MSH4: variants seen among roughly 807,000 people sequenced by gnomAD.
The protein encoded by MSH4 is mutS homolog 4, also known as mutS protein homolog 4.
In MSH4, 106 loss-of-function variants were observed where a neutral mutation model predicts 113.7. The ratio of observed to expected loss-of-function variants is 0.93; its 90% confidence interval spans 0.80 to 1.10. MSH4 has a LOEUF of 1.10. Among genes scored for constraint, MSH4 ranks in the 50% least tolerant of loss-of-function variants. MSH4 has a pLI of 0.00. For missense variants in MSH4, 1,061 were observed against 1,093.7 expected (o/e 0.97, Z 0.42); for synonymous variants, 368 against 380.2 (o/e 0.97, Z 0.37).
At chr1:75,806,698 T>A (rs1210790531) in intron 2 of MSH4, among the ~76,000 whole-genome samples, 3 of 152,146 alleles carry the variant, frequency 2.0e-5, no homozygotes, top group African/African-American at 7.2e-5. Context: ...ACAAGCCACC[T>A]TACTCTTCTT....
chr1:75,893,409 A>G (rs1243117730), intron 17 of MSH4, among the ~76,000 whole-genome samples: 1 of 152,200 alleles, frequency 6.6e-6, no homozygotes, highest in Non-Finnish European at 1.5e-5. Context: ...TTGGGAAGGA[A>G]TGGGAGACTA....
At position 75,816,468 on chromosome 1, in the gene MSH4, A is replaced by C; in HGVS notation, c.911A>C (p.Gln304Pro). 1 of 1,611,228 alleles carries C rather than the reference A, an allele frequency of 6.2e-7. No homozygotes were observed. ...CCAAAATCACTGAAGATTTGTTTCC[A>C]GGGTAGTGAACAGACAGCCATGATA... ...YAPKSLKICFQGSEQTAMIDS... is the reference protein window; with the variant it reads ...YAPKSLKICFPGSEQTAMIDS... The change falls in exon 6 of 20, where the codon CAG becomes CCG. Residue 304 changes from glutamine (Q) to proline (P), a missense_variant. By Grantham distance (76) the Gln-to-Pro change is moderately conservative. Coordinates refer to ENST00000263187, the MANE Select transcript of MSH4 (RefSeq NM_002440.4).
chr1:75,867,957 G>A (rs1242435370), intron 9 of MSH4, among the ~76,000 whole-genome samples: 2 of 151,926 alleles, frequency 1.3e-5, no homozygotes, highest in African/African-American at 2.4e-5. Flanking sequence ...TTCTAATAAT[G>A]TTCTTTATAG....
chr1:75,887,122 A>G (rs966095079), intron 15 of MSH4, among the ~76,000 whole-genome samples: 1 of 151,902 alleles, frequency 6.6e-6, no homozygotes, highest in African/African-American at 2.4e-5. Context: ...TCTCCACCCA[A>G]ATCTCACCTT....
intron 6 of MSH4, among the ~76,000 whole-genome samples, chr1:75,820,673 T>C (rs1650389842): frequency 6.6e-6 from 1 of 152,228 alleles, no homozygotes; most frequent in Non-Finnish European, 1.5e-5. Flanking sequence ...ATATCCCCTT[T>C]ATCATTTTTT....
chr1:75,892,016 G>T (rs927551001), intron 17 of MSH4, among the ~76,000 whole-genome samples: 27 of 152,184 alleles, frequency 1.8e-4, no homozygotes, highest in Non-Finnish European at 4.4e-5. Context: ...GTCTGTGAGG[G>T]TGTTTCTGGA....
intron 19 of MSH4, among the ~76,000 whole-genome samples, chr1:75,909,842 G>A (rs1318325009): frequency 6.6e-6 from 1 of 151,454 alleles, no homozygotes; most frequent in Non-Finnish European, 1.5e-5. Context: ...ATGAGTTCTT[G>A]AACCTCCCCT....
At chr1:75,880,248 A>G in intron 13 of MSH4, 95 bp downstream of exon 13, 1 of 664,916 alleles carries the variant, frequency 1.5e-6, no homozygotes, top group African/African-American at 1.9e-5. Context: ...CTAATTACAG[A>G]CAATTGTAGA....
rs1557519564 is a variant in MSH4, at chr1:75,876,967, TA to T, written c.1339del (p.Arg447GlufsTer22). 2 of 1,566,370 alleles carry T rather than the reference TA, an allele frequency of 1.3e-6. No individual in the cohort carries two copies. Among genetic ancestry groups the T allele is most frequent in the East Asian group, 4.7e-5 (2 of 42,668 alleles). On this transcript the variant is annotated frameshift_variant, in exon 10 of 20. Transcript: ENST00000263187. LOFTEE classifies it high-confidence loss of function. ...ATGAAGAACTGTAACACACCTTTAT[TA>T]AGAGCTTACTATGGTTCCTTGGAAG... ...IAMKNCNTPLLRAYYGSLEDK... is the reference protein window; with the variant it reads ...IAMKNCNTPLXRAYYGSLEDK...
intron 7 of MSH4, among the ~76,000 whole-genome samples, chr1:75,830,190 T>A (rs1412251802): frequency 1.3e-5 from 2 of 151,988 alleles, no homozygotes; most frequent in Non-Finnish European, 2.9e-5. Context: ...AGGCTATCAG[T>A]GATTGAAGAT....
At chr1:75,852,917 C>T (rs1296034383) in intron 8 of MSH4, among the ~76,000 whole-genome samples, 1 of 152,114 alleles carries the variant, frequency 6.6e-6, no homozygotes, top group Non-Finnish European at 1.5e-5. Context: ...TGGATACTTA[C>T]ATCCTTGCTT....
intron 17 of MSH4, among the ~76,000 whole-genome samples, chr1:75,895,194 A>G (rs1294835754): frequency 6.6e-6 from 1 of 152,102 alleles, no homozygotes; most frequent in African/African-American, 2.4e-5. Context: ...GAAGGGAGGT[A>G]TTGTGTTGGC....
In MSH4 at chr1:75,889,330, C is replaced by T. The variant is rs773315438; in HGVS notation, c.2187C>T (p.Ile729=). 6.6e-7 allele frequency: 1 copy of T among 1,518,932 alleles called. No individual in the cohort carries two copies. Among genetic ancestry groups the T allele is most frequent in the Non-Finnish European group, 9.0e-7 (1 of 1,114,812 alleles). 94.1% of individuals were successfully genotyped at this position (1,518,932 alleles called of 1,614,324 possible). The change falls in exon 16 of 20, where the codon ATC becomes ATT. Residue 729 remains isoleucine, a synonymous_variant. Transcript: ENST00000263187. ...CAAGAATTAGTACTGATGATGATAT[C>T]GAAACAAATTCATCAACATTTATGA... ...IFTRISTDDD[I]ETNSSTFMKE... is the part of the protein sequence containing the mutation.
At chr1:75,862,668 T>C (rs1651482289) in intron 8 of MSH4, among the ~76,000 whole-genome samples, 1 of 152,188 alleles carries the variant, frequency 6.6e-6, no homozygotes, top group African/African-American at 2.4e-5. Context: ...TCTGAAAATT[T>C]GTTTTGAAGG....
intron 11 of MSH4, 123 bp from the exon 12 acceptor site, chr1:75,878,869 A>ACCTC (rs1651871010): frequency 2.5e-6 from 2 of 814,530 alleles, no homozygotes; most frequent in Non-Finnish European, 3.7e-6. Flanking sequence ...GAGCAACAAG[A>ACCTC]CCTCCTATTT....
At chr1:75,912,218 G>C (rs1463747692) in intron 19 of MSH4, among the ~76,000 whole-genome samples, 2 of 152,058 alleles carry the variant, frequency 1.3e-5, no homozygotes, top group African/African-American at 4.8e-5. Flanking sequence ...CCCATTCTGT[G>C]TACCAGTTTA....
chr1:75,797,054 C>A lies in MSH4; in HGVS notation c.69C>A (p.Thr23=). 2 of 1,614,052 alleles carry A rather than the reference C, an allele frequency of 1.2e-6. No homozygotes were observed. The highest frequency in any genetic ancestry group is 1.7e-6 in the Non-Finnish European group (2 of 1,179,946). The change falls in exon 1 of 20, where the codon ACC becomes ACA. Residue 23 remains threonine, a synonymous_variant. Coordinates refer to ENST00000263187, the MANE Select transcript of MSH4 (RefSeq NM_002440.4). ...CGGTTTCCCCGTCGTCGGGAGAAAC[C>A]CGCTCACCTCAGGGTCCCCGCTACA... ...APAVSPSSGE[T]RSPQGPRYNF...
intron 4 of MSH4, among the ~76,000 whole-genome samples, chr1:75,812,693 C>T (rs1162843992): frequency 6.6e-6 from 1 of 152,118 alleles, no homozygotes; most frequent in Non-Finnish European, 1.5e-5. Flanking sequence ...GACTCCATCT[C>T]AAAAGAACAA....
In MSH4 at chr1:75,858,682, G is replaced by A. The variant is rs538337727; in HGVS notation, c.1231-8832G>A. 6.6e-5 allele frequency among the ~76,000 whole-genome samples: 10 copies of A among 152,228 alleles called. No individual in the cohort carries two copies. The East Asian group carries it at 1.2e-3, about 18-fold the overall frequency. ...ATTCGGTTTGCCAGTATTTTATTGC[G>A]GATTCTCACATTGATGTTCATCAGG... On this transcript the variant is annotated intron_variant, in intron 8 of 19. Coordinates refer to ENST00000263187, the MANE Select transcript of MSH4 (RefSeq NM_002440.4).
Sources: allele counts gnomAD v4.1 joint callset (sites outside exome capture counted in the v4.1 genomes callset), GRCh38; gene constraint gnomAD v4.1.1; transcripts MANE v1.5; gene names NCBI Gene and HGNC (gene_info 2026-07-23, HGNC 2026-07-21).